The following NELL1 variants were observed in gnomAD, a reference collection of about 807,000 sequenced individuals.
NELL1 encodes the protein neural EGFL like 1, also known as protein kinase C-binding protein NELL1.
In NELL1, 76 loss-of-function variants were observed where a neutral mutation model predicts 107.4. The observed-to-expected ratio is 0.71, with a 90% confidence interval of 0.59 to 0.86. NELL1 has a LOEUF of 0.86. NELL1 is among the 40% of genes least tolerant of loss of function. The pLI is 0.00. For synonymous variants in NELL1, 353 were observed against 341.2 expected, an observed-to-expected ratio of 1.03 and a Z score of -0.38; for missense variants, 1,024 against 1,005.5, an observed-to-expected ratio of 1.02 and a Z score of -0.25.
chr11:21,095,952 G>A (rs553693344), intron 12 of NELL1, among the ~76,000 whole-genome samples: 5 of 152,268 alleles, frequency 3.3e-5, no homozygotes, highest in East Asian at 3.9e-4. Flanking sequence ...GAGAGAGCTC[G>A]TGTAGGGGAA....
intron 15 of NELL1, among the ~76,000 whole-genome samples, chr11:21,492,119 A>G (rs1854836942): frequency 6.6e-6 from 1 of 152,196 alleles, no homozygotes; most frequent in African/African-American, 2.4e-5. Context: ...GAAGACATTT[A>G]TGCAACCAAA....
At chr11:21,305,211 T>G (rs980816069) in intron 14 of NELL1, among the ~76,000 whole-genome samples, 9 of 152,058 alleles carry the variant, frequency 5.9e-5, no homozygotes, top group Non-Finnish European at 1.0e-4. Context: ...TGGTCAATCT[T>G]TCTTGGGAAA....
intron 12 of NELL1, among the ~76,000 whole-genome samples, chr11:21,007,866 C>T (rs756714377): frequency 6.6e-6 from 1 of 152,006 alleles, no homozygotes; most frequent in Non-Finnish European, 1.5e-5. Flanking sequence ...AGATACATAG[C>T]TAAAGATGTC....
intron 3 of NELL1, among the ~76,000 whole-genome samples, chr11:20,809,834 A>G (rs764228474): frequency 2.0e-5 from 3 of 152,184 alleles, no homozygotes; most frequent in Non-Finnish European, 2.9e-5. Context: ...GGGAGTGCAG[A>G]TATCTCTTTG....
intron 5 of NELL1, among the ~76,000 whole-genome samples, chr11:20,905,822 AC>A (rs1590401371): frequency 6.6e-6 from 1 of 152,180 alleles, no homozygotes; most frequent in Middle Eastern, 3.2e-3. Flanking sequence ...TAATGTATGC[AC>A]CGGGGGTGTC....
intron 12 of NELL1, among the ~76,000 whole-genome samples, chr11:21,043,583 G>T (rs1232494606): frequency 6.6e-6 from 1 of 152,124 alleles, no homozygotes; most frequent in Non-Finnish European, 1.5e-5. Context: ...TCTAAGCAGA[G>T]ATGTAACATG....
intron 2 of NELL1, among the ~76,000 whole-genome samples, chr11:20,774,174 CTCCCA>C (rs1187516117): frequency 1.0e-4 from 9 of 87,356 alleles, no homozygotes; most frequent in African/African-American, 4.2e-4. Context: ...CTCCCCTCCC[CTCCCA>C]TCCCCTCCCC....
intron 12 of NELL1, among the ~76,000 whole-genome samples, chr11:20,991,124 A>G (rs895547836): frequency 5.9e-5 from 9 of 152,246 alleles, no homozygotes; most frequent in African/African-American, 2.2e-4. Flanking sequence ...ATGAGAGCCT[A>G]GAGCCATGTG....
At chr11:21,201,440 C>A (rs551719565) in intron 13 of NELL1, among the ~76,000 whole-genome samples, 1 of 151,856 alleles carries the variant, frequency 6.6e-6, no homozygotes, top group South Asian at 2.1e-4. Context: ...CTATTATTGG[C>A]GTATAGTAAT....
At chr11:21,454,615 A>T (rs1396276085) in intron 15 of NELL1, among the ~76,000 whole-genome samples, 1 of 152,238 alleles carries the variant, frequency 6.6e-6, no homozygotes, top group East Asian at 1.9e-4. Flanking sequence ...CTGTAACAAA[A>T]TACCATAGAC....
chr11:21,159,166 G>C lies in NELL1; in HGVS notation c.1426+45452G>C, dbSNP rs376782859. ...CCATGTTCTCTAGAACTGAACTCCA[G>C]CCTTTTTCTAACCAGTCAATCATAG... On this transcript the variant is annotated intron_variant, in intron 13 of 19. Coordinates refer to ENST00000357134, the MANE Select transcript of NELL1 (RefSeq NM_006157.5). 1.1e-4 allele frequency among the ~76,000 whole-genome samples: 17 copies of C among 152,130 alleles called. 1 individual carries two copies. The South Asian group carries it at 3.3e-3, about 30-fold the overall frequency.
intron 14 of NELL1, among the ~76,000 whole-genome samples, chr11:21,237,071 G>A (rs146351830): frequency 2.0e-5 from 3 of 152,134 alleles, no homozygotes; most frequent in Non-Finnish European, 2.9e-5. Context: ...CCTGAGATCT[G>A]TTATGATACA....
rs192438581 is a variant in NELL1 at position 20,840,810 on chromosome 11, A to T, written c.336-6773A>T. ...TCAAGGTAAGGAATGTGAAATTCGC[A>T]TTGTAGAAGAGTATGCCAGATGGGA... On this transcript the variant is annotated intron_variant, in intron 3 of 19. Coordinates refer to ENST00000357134, the MANE Select transcript of NELL1 (RefSeq NM_006157.5). Among the ~76,000 whole-genome samples the T allele has an allele frequency of 3.3e-5, 5 of 152,340 alleles. No homozygotes were observed. In the East Asian group the frequency reaches 9.6e-4, roughly 29 times the overall value.
At chr11:20,957,228 T>C (rs952188601) in intron 11 of NELL1, among the ~76,000 whole-genome samples, 1 of 152,186 alleles carries the variant, frequency 6.6e-6, no homozygotes, top group Non-Finnish European at 1.5e-5. Flanking sequence ...AAATCCACTC[T>C]GCCCAAAGAG....
At chr11:21,177,502 A>G (rs796840218) in intron 13 of NELL1, among the ~76,000 whole-genome samples, 7 of 151,908 alleles carry the variant, frequency 4.6e-5, no homozygotes, top group South Asian at 2.1e-4. Context: ...TTCTTTATCT[A>G]GTCGTCTGTT....
chr11:21,553,348 T>G (rs899777994), intron 16 of NELL1, among the ~76,000 whole-genome samples: 1 of 151,838 alleles, frequency 6.6e-6, no homozygotes, highest in African/African-American at 2.4e-5. Flanking sequence ...GGCACTTGCT[T>G]GTAAATACTC....
intron 15 of NELL1, among the ~76,000 whole-genome samples, chr11:21,403,645 GC>G (rs1852152964): frequency 2.0e-5 from 3 of 151,596 alleles, no homozygotes; most frequent in Admixed American, 1.3e-4. Flanking sequence ...GGCTCTCACT[GC>G]ACTAATTGGA....
At chr11:21,262,940 T>C (rs985911751) in intron 14 of NELL1, among the ~76,000 whole-genome samples, 8 of 151,952 alleles carry the variant, frequency 5.3e-5, no homozygotes, top group African/African-American at 1.4e-4. Context: ...ACTTGTCTTC[T>C]TATTTTACAT....
At chr11:20,799,035 G>A (rs76547711) in intron 3 of NELL1, among the ~76,000 whole-genome samples, 5,139 of 111,224 alleles carry the variant, frequency 0.046, 287 homozygotes, top group African/African-American at 0.13. Flanking sequence ...AGAGGGATGA[G>A]GGATAGGTCA....
Sources: gnomAD v4.1 joint callset for allele counts (sites outside exome capture counted in the v4.1 genomes callset) on GRCh38, gnomAD v4.1.1 for gene constraint, MANE v1.5 for transcripts, NCBI Gene and HGNC (gene_info 2026-07-23, HGNC 2026-07-21) for gene names.